GALNT14: variants seen among roughly 807,000 people sequenced by gnomAD.
The protein encoded by GALNT14 is polypeptide N-acetylgalactosaminyltransferase 14.
Under a neutral mutation model 77.5 loss-of-function variants are expected in GALNT14, and 60 were observed. The ratio of observed to expected loss-of-function variants is 0.77; its 90% CI spans 0.63 to 0.96. The LOEUF (loss-of-function observed/expected upper bound fraction) is 0.96. GALNT14 is among the 40% of genes least tolerant of loss of function. The pLI, the probability that GALNT14 is intolerant of heterozygous loss-of-function variation, is 0.00. For synonymous variants in GALNT14, 280 were observed against 281.7 expected, an observed-to-expected ratio of 0.99 and a Z score of 0.06; for missense variants, 710 against 731.0, an observed-to-expected ratio of 0.97 and a Z score of 0.33.
At chr2:30,893,181 A>T in the GALNT14 span, among the ~76,000 whole-genome samples, 1 of 152,170 alleles carries the variant, frequency 6.6e-6, no homozygotes, top group South Asian at 2.1e-4. Flanking sequence ...GGAGAAGAAA[A>T]TTCCTAGGAT....
intron 11 of GALNT14, among the ~76,000 whole-genome samples, chr2:30,926,514 G>C (rs542451457): frequency 1.3e-5 from 2 of 152,254 alleles, no homozygotes; most frequent in Admixed American, 1.3e-4. Flanking sequence ...CAAAGGATAG[G>C]TTTAGCTTAG....
At chr2:30,960,059 C>G (rs1667591647) in intron 3 of GALNT14, among the ~76,000 whole-genome samples, 1 of 152,154 alleles carries the variant, frequency 6.6e-6, no homozygotes, top group African/African-American at 2.4e-5. Flanking sequence ...ATTTATGAAG[C>G]CTTGATTCTC....
intron 1 of GALNT14, among the ~76,000 whole-genome samples, chr2:31,124,793 C>A (rs1678617676): frequency 6.6e-6 from 1 of 152,162 alleles, no homozygotes; most frequent in South Asian, 2.1e-4. Context: ...GCCTGCCCAC[C>A]TTGTGGGGTG....
chr2:31,021,063 A>G (rs928374588), intron 1 of GALNT14, among the ~76,000 whole-genome samples: 11 of 152,154 alleles, frequency 7.2e-5, no homozygotes, highest in African/African-American at 2.7e-4. Context: ...ACTGGAGGGA[A>G]GGCAGGAGCA....
At chr2:31,098,450 C>G (rs1312850676) in intron 1 of GALNT14, among the ~76,000 whole-genome samples, 1 of 152,114 alleles carries the variant, frequency 6.6e-6, no homozygotes, top group East Asian at 1.9e-4. Flanking sequence ...ATAATAATCC[C>G]TTTAAAAAAT....
chr2:30,983,134 G>A (rs745499993), intron 2 of GALNT14, among the ~76,000 whole-genome samples: 21 of 152,098 alleles, frequency 1.4e-4, no homozygotes, highest in Non-Finnish European at 2.5e-4. Context: ...CTGAGTTCAC[G>A]GGCCAGGGCT....
At position 30,976,619 on chromosome 2, in the gene GALNT14, GTA is replaced by G. The variant is rs755865355; in HGVS notation, c.300-10319_300-10318del. Reference sequence around the variant, plus strand: ...TGTGTGCATGTGCGTGTGCGTGTGTGTATGTGTGTGTGTGTGTGTGTGCAAAA... The same window carrying G: ...TGTGTGCATGTGCGTGTGCGTGTGTGTGTGTGTGTGTGTGTGTGTGCAAAA... On this transcript the variant is annotated intron_variant, in intron 2 of 14. Coordinates refer to ENST00000349752, the MANE Select transcript of GALNT14 (RefSeq NM_024572.4). 1.0e-3 allele frequency among the ~76,000 whole-genome samples: 137 copies of G among 135,284 alleles called. 1 individual carries two copies. The highest frequency in any genetic ancestry group is 3.1e-3 in the African/African-American group (97 of 31,206). The allele number at this position is 135,284 out of a possible 152,430, so 88.8% of individuals were successfully genotyped here.
At chr2:31,118,862 T>C (rs1240290088) in intron 1 of GALNT14, among the ~76,000 whole-genome samples, 3 of 152,152 alleles carry the variant, frequency 2.0e-5, no homozygotes, top group African/African-American at 7.2e-5. Context: ...AAGTATGACA[T>C]TGCCATAGTA....
intron 1 of GALNT14, among the ~76,000 whole-genome samples, chr2:31,047,032 G>C (rs960192023): frequency 2.0e-5 from 3 of 152,212 alleles, no homozygotes; most frequent in Admixed American, 6.5e-5. Context: ...TTGGCTGGAA[G>C]TAGAACCTCC....
At position 30,958,468 on chromosome 2, in the gene GALNT14, C is replaced by T. The variant is rs1178928086; in HGVS notation, c.399-4G>A. 1 of 1,613,178 alleles carries T rather than the reference C, an allele frequency of 6.2e-7. No individual in the cohort carries two copies. The highest frequency in any genetic ancestry group is 2.2e-5 in the East Asian group (1 of 44,852). On this transcript the variant is annotated splice_region_variant and splice_polypyrimidine_tract_variant and intron_variant, in intron 3 of 14. Transcript: ENST00000349752. Reference sequence around the variant, plus strand: ...CGTAGGGGTGCGGTTTAATACACTGCAAGATGGAAACAGAAAAAAATCACT... The same window carrying T: ...CGTAGGGGTGCGGTTTAATACACTGTAAGATGGAAACAGAAAAAAATCACT...
At chr2:30,920,183 G>C (rs965721712) in intron 13 of GALNT14, among the ~76,000 whole-genome samples, 2 of 152,200 alleles carry the variant, frequency 1.3e-5, no homozygotes, top group African/African-American at 2.4e-5. Flanking sequence ...TATGCGGCCA[G>C]ATTCTCCAAA....
intron 1 of GALNT14, among the ~76,000 whole-genome samples, chr2:31,136,824 C>G (rs1405255422): frequency 1.3e-5 from 2 of 152,172 alleles, no homozygotes; most frequent in Non-Finnish European, 2.9e-5. Flanking sequence ...TATTACCACC[C>G]AACTCCTACA....
chr2:31,013,203 A>G (rs1671146446), intron 1 of GALNT14, among the ~76,000 whole-genome samples: 3 of 152,204 alleles, frequency 2.0e-5, no homozygotes, highest in African/African-American at 7.2e-5. Flanking sequence ...GTGATCCAAC[A>G]TCAGAAAACT....
chr2:31,036,046 T>C (rs59794842), intron 1 of GALNT14, among the ~76,000 whole-genome samples: 4,612 of 152,310 alleles, frequency 0.03, 227 homozygotes, highest in African/African-American at 0.11. Flanking sequence ...GTGTGTCTTA[T>C]AGAGAGCAAA....
chr2:30,962,446 C>A (rs1418949745), intron 3 of GALNT14, among the ~76,000 whole-genome samples: 1 of 152,218 alleles, frequency 6.6e-6, no homozygotes, highest in Non-Finnish European at 1.5e-5. Context: ...GGATCCATTG[C>A]CCATGCCTCA....
Position 30,910,902 on chromosome 2 carries a change from C to A in GALNT14, c.1658G>T (p.Ter553LeuextTer84), listed in dbSNP as rs1481865527. The A allele has an allele frequency of 8.7e-6, 14 of 1,613,656 alleles. No individual in the cohort carries two copies. Among genetic ancestry groups the A allele is most frequent in the Non-Finnish European group, 1.2e-5 (14 of 1,179,836 alleles). ...MSQHWDMVSS[*>L] ...CCTTGCTGCTTCTGGCAGGGGTCCTCAAGAGCTCACCATGTCCCAGTGCTG... is the reference window on the plus strand; with the variant it reads ...CCTTGCTGCTTCTGGCAGGGGTCCTAAAGAGCTCACCATGTCCCAGTGCTG... The change falls in exon 15 of 15, where the codon TGA becomes TTA. Residue 553 changes from the stop codon to leucine, a stop_lost. Coordinates refer to ENST00000349752, the MANE Select transcript of GALNT14 (RefSeq NM_024572.4).
intron 1 of GALNT14, among the ~76,000 whole-genome samples, chr2:31,119,155 C>T (rs1198461097): frequency 2.0e-5 from 3 of 152,030 alleles, no homozygotes; most frequent in African/African-American, 7.2e-5. Flanking sequence ...CAATCTAGGA[C>T]TTACGATGAT....
At chr2:30,915,486 G>A (rs1327584883) in intron 13 of GALNT14, among the ~76,000 whole-genome samples, 1 of 152,228 alleles carries the variant, frequency 6.6e-6, no homozygotes, top group Non-Finnish European at 1.5e-5. Context: ...AAAGAGGAGA[G>A]GAGGGAGGAG....
chr2:30,910,925 C>G lies in GALNT14; in HGVS notation c.1635G>C (p.Gln545His). The change falls in exon 15 of 15, where the codon CAG becomes CAC. Residue 545 changes from glutamine to histidine, a missense_variant. Gln to His is a conservative substitution (Grantham distance 24, BLOSUM62 0). Coordinates refer to ENST00000349752, the MANE Select transcript of GALNT14 (RefSeq NM_024572.4). The stretch of plus-strand genomic sequence containing the variant: ...CTCAAGAGCTCACCATGTCCCAGTG[C>G]TGGCTCATGAGTGAGGACTCACATG... ...VNPCESSLMS[Q>H]HWDMVSS 1 of 1,614,002 alleles carries G rather than the reference C, an allele frequency of 6.2e-7. No individual in the cohort carries two copies. The highest frequency in any genetic ancestry group is 2.2e-5 in the East Asian group (1 of 44,836).
Sources: gnomAD v4.1 joint callset for allele counts (sites outside exome capture counted in the v4.1 genomes callset) on GRCh38, gnomAD v4.1.1 for gene constraint, MANE v1.5 for transcripts, NCBI Gene and HGNC (gene_info 2026-07-23, HGNC 2026-07-21) for gene names.